The following RHOT1 variants were observed in gnomAD, a reference collection of about 807,000 sequenced individuals.
RHOT1 encodes mitochondrial Rho GTPase 1.
A neutral mutation model predicts 95.3 loss-of-function variants in RHOT1; 27 were observed. The ratio of observed to expected loss-of-function variants is 0.28; its 90% CI spans 0.21 to 0.39. The LOEUF (loss-of-function observed/expected upper bound fraction) is 0.39, where lower values mean the gene tolerates loss of function less well. Among genes scored for constraint, RHOT1 ranks in the 10% least tolerant of loss-of-function variants. RHOT1 has a pLI of 1.00. For missense variants in RHOT1, 578 were observed against 786.7 expected (o/e 0.73, Z 3.17); for synonymous variants, 227 against 263.5 (o/e 0.86, Z 1.34).
chr17:32,154,344 G>A (rs2032696526), intron 1 of RHOT1, among the ~76,000 whole-genome samples: 1 of 151,348 alleles, frequency 6.6e-6, no homozygotes, highest in Admixed American at 6.6e-5. Context: ...ACTTTGGGAG[G>A]CTGAGGTGGG....
At chr17:32,193,801 G>A (rs893276915) in intron 10 of RHOT1, among the ~76,000 whole-genome samples, 186 bp from the exon 11 acceptor site, 40 of 152,150 alleles carry the variant, frequency 2.6e-4, no homozygotes, top group African/African-American at 9.4e-4. Context: ...TGAGCTGGGT[G>A]TATATGTGAA....
chr17:32,172,690 G>A (rs940514966), intron 2 of RHOT1, among the ~76,000 whole-genome samples: 6 of 152,210 alleles, frequency 3.9e-5, no homozygotes, highest in African/African-American at 1.4e-4. Flanking sequence ...AATTAGCCAG[G>A]TATGGTGGCG....
At chr17:32,194,762 G>A (rs1044544906) in intron 11 of RHOT1, among the ~76,000 whole-genome samples, 2 of 149,502 alleles carry the variant, frequency 1.3e-5, no homozygotes, top group East Asian at 2.0e-4. Context: ...TTTATAGCCT[G>A]TTCTTAGCTT....
intron 1 of RHOT1, among the ~76,000 whole-genome samples, chr17:32,155,680 C>T (rs1346178998): frequency 6.6e-6 from 1 of 151,700 alleles, no homozygotes. Context: ...TTACCTGAGA[C>T]TATGGGTGTG....
intron 19 of RHOT1, among the ~76,000 whole-genome samples, chr17:32,220,808 A>G (rs77908352): frequency 2.2e-3 from 331 of 151,004 alleles, no homozygotes; most frequent in African/African-American, 7.4e-3. Context: ...TCTGTCTCAA[A>G]AAAAAAAAAA....
At chr17:32,173,481 G>A (rs1437413373) in intron 2 of RHOT1, among the ~76,000 whole-genome samples, 3 of 152,130 alleles carry the variant, frequency 2.0e-5, no homozygotes, top group Non-Finnish European at 4.4e-5. Flanking sequence ...TTGGGAGGCC[G>A]AGGCGGGTGG....
rs2039047902 is a variant in RHOT1 at position 32,224,899 on chromosome 17, T to C, written c.*166T>C. 2 of 456,578 alleles carry C rather than the reference T, an allele frequency of 4.4e-6. No individual in the cohort carries two copies. Among genetic ancestry groups the C allele is most frequent in the Non-Finnish European group, 7.9e-6 (2 of 253,942 alleles). The allele number at this position is 456,578 out of a possible 1,614,324, so 28.3% of individuals were successfully genotyped here. A position where few individuals can be genotyped will look rare whatever the true frequency, so the allele number is the denominator to read the frequency against. ...TTAATGATAGTTATAACTGCAGTATTGGCTAGCATATGGAAAGAAAACAGC... is the reference window on the plus strand; with the variant it reads ...TTAATGATAGTTATAACTGCAGTATCGGCTAGCATATGGAAAGAAAACAGC... On this transcript the variant is annotated 3_prime_UTR_variant, in exon 20 of 20. Coordinates refer to ENST00000545287, the MANE Select transcript of RHOT1 (RefSeq NM_001033566.3).
At chr17:32,205,742 GA>G (rs1327250716) in intron 16 of RHOT1, among the ~76,000 whole-genome samples, 17 of 152,154 alleles carry the variant, frequency 1.1e-4, no homozygotes, top group Admixed American at 1.1e-3. Flanking sequence ...CCAACGTGGA[GA>G]AACCCTGTCC....
intron 18 of RHOT1, chr17:32,208,970 GTGTT>G (rs1035139147): frequency 1.3e-5 from 2 of 155,250 alleles, no homozygotes; most frequent in African/African-American, 4.8e-5. Flanking sequence ...CTCAAGTAGT[GTGTT>G]TGTATAAATT....
At chr17:32,189,688 T>C (rs1240657546) in intron 8 of RHOT1, among the ~76,000 whole-genome samples, 2 of 152,066 alleles carry the variant, frequency 1.3e-5, no homozygotes, top group African/African-American at 4.8e-5. Context: ...AAATTGCCTA[T>C]AACGGAATCT....
chr17:32,176,684 T>A (rs2142566094), intron 6 of RHOT1, among the ~76,000 whole-genome samples: 1 of 152,130 alleles, frequency 6.6e-6, no homozygotes, highest in South Asian at 2.1e-4. Context: ...GTGATTCTCA[T>A]GCCTCAGTCT....
In RHOT1 at chr17:32,208,246, G is replaced by T. The variant is rs747052205; in HGVS notation, c.1676G>T (p.Cys559Phe). Residue 559 changes from cysteine (C) to phenylalanine (F), a missense_variant, in exon 18 of 20, where the codon TGC (cysteine) becomes TTC (phenylalanine). Coordinates refer to ENST00000545287, the MANE Select transcript of RHOT1 (RefSeq NM_001033566.3). ...HKMPPPQAFT[C>F]NTADAPSKDI... ...ATGCCTCCACCACAAGCCTTCACTT[G>T]CAATACTGCTGATGCCCCCAGTAAG... 4 of 1,613,890 alleles carry T rather than the reference G, an allele frequency of 2.5e-6. No homozygotes were observed. In the East Asian group the frequency reaches 8.9e-5, roughly 36 times the overall value.
chr17:32,149,615 A>ATATATAT (rs2031940402), intron 1 of RHOT1, among the ~76,000 whole-genome samples: 1 of 84,106 alleles, frequency 1.2e-5, no homozygotes, highest in South Asian at 4.0e-4. Flanking sequence ...ATATATATAT[A>ATATATAT]TATATATATA....
intron 3 of RHOT1, among the ~76,000 whole-genome samples, chr17:32,175,000 C>T (rs2034880148): frequency 6.6e-6 from 1 of 152,358 alleles, no homozygotes; most frequent in East Asian, 1.9e-4. Context: ...GAGCTTCTGA[C>T]TCTTCAGCAC....
At chr17:32,151,313 A>C in intron 1 of RHOT1, 1 of 638,674 alleles carries the variant, frequency 1.6e-6, no homozygotes, top group South Asian at 1.4e-5. Context: ...TTGGGAGGCT[A>C]AGGTGGGAGG....
At chr17:32,205,244 A>C (rs1304695860) in intron 16 of RHOT1, among the ~76,000 whole-genome samples, 1 of 150,638 alleles carries the variant, frequency 6.6e-6, no homozygotes, top group African/African-American at 2.4e-5. Flanking sequence ...TTCAACTCCC[A>C]CACTTATGAG....
At chr17:32,186,710 G>T (rs888299182) in intron 8 of RHOT1, among the ~76,000 whole-genome samples, 1 of 152,086 alleles carries the variant, frequency 6.6e-6, no homozygotes, top group African/African-American at 2.4e-5. Context: ...CATCCAGGCT[G>T]GAGTACAGTG....
At position 32,200,936 on chromosome 17, in the gene RHOT1, T is replaced by G; in HGVS notation, c.1101-20T>G. The G allele has an allele frequency of 5.7e-6, 9 of 1,569,358 alleles. No individual in the cohort carries two copies. The highest frequency in any genetic ancestry group is 7.9e-6 in the Non-Finnish European group (9 of 1,142,054). Reference sequence around the variant, plus strand: ...ATTCGTTTAGGAACTTTTCACATTTTAAACTCTTTTCTTTCATAGGCTCAC... The same window carrying G: ...ATTCGTTTAGGAACTTTTCACATTTGAAACTCTTTTCTTTCATAGGCTCAC... On this transcript the variant is annotated intron_variant, in intron 13 of 19. Coordinates refer to ENST00000545287, the MANE Select transcript of RHOT1 (RefSeq NM_001033566.3).
In RHOT1 at chr17:32,161,799, G is replaced by A. The variant is rs527626184; in HGVS notation, c.38-9244G>A. On this transcript the variant is annotated intron_variant, in intron 1 of 19. Transcript: ENST00000545287. The stretch of plus-strand genomic sequence containing the variant: ...CCCTTACTTCAGCAGCATGCACTTT[G>A]GCCTGACCAACCACAAATTCAGGGC... Among the ~76,000 whole-genome samples the A allele has an allele frequency of 2.0e-5, 3 of 152,288 alleles. No homozygotes were observed. The South Asian group carries it at 6.2e-4, about 32-fold the overall frequency.
Sources: allele counts gnomAD v4.1 joint callset (sites outside exome capture counted in the v4.1 genomes callset), GRCh38; gene constraint gnomAD v4.1.1; transcripts MANE v1.5; gene names NCBI Gene and HGNC (gene_info 2026-07-23, HGNC 2026-07-21).